TRMT44: variants seen among roughly 807,000 people sequenced by gnomAD.
The protein encoded by TRMT44 is probable tRNA (uracil-O(2)-)-methyltransferase.
Under a neutral mutation model 77.3 loss-of-function variants are expected in TRMT44, and 78 were observed. The ratio of observed to expected loss-of-function variants is 1.01; its 90% confidence interval spans 0.84 to 1.22. The LOEUF (loss-of-function observed/expected upper bound fraction) is 1.22, where lower values mean the gene tolerates loss of function less well. Among genes scored for constraint, TRMT44 ranks in the 50% most tolerant of loss-of-function variants. TRMT44 has a pLI of 0.00. For missense variants in TRMT44, 1,090 were observed against 964.4 expected, an observed-to-expected ratio of 1.13 and a Z score of -1.73; for synonymous variants, 391 against 383.3, an observed-to-expected ratio of 1.02 and a Z score of -0.23.
the TRMT44 span, among the ~76,000 whole-genome samples, chr4:8,502,334 A>C: frequency 6.6e-6 from 1 of 152,196 alleles, no homozygotes; most frequent in Non-Finnish European, 1.5e-5. Flanking sequence ...CTGATGAAGC[A>C]GGGGGTCAGG....
chr4:8,457,851 C>T (rs1579056797), intron 6 of TRMT44, among the ~76,000 whole-genome samples: 3 of 152,156 alleles, frequency 2.0e-5, no homozygotes, highest in East Asian at 3.9e-4. Context: ...ACAGGATTTA[C>T]AACAGAGCCA....
chr4:8,506,588 C>A, the TRMT44 span, among the ~76,000 whole-genome samples: 1 of 152,158 alleles, frequency 6.6e-6, no homozygotes, highest in Non-Finnish European at 1.5e-5. Context: ...CCCCTTCCCC[C>A]CTCAGCCTGG....
At chr4:8,449,159 A>G (rs189241284) in intron 2 of TRMT44, among the ~76,000 whole-genome samples, 1 of 152,344 alleles carries the variant, frequency 6.6e-6, no homozygotes, top group East Asian at 1.9e-4. Context: ...AGCAAGACAG[A>G]CAGAAGCCCC....
chr4:8,485,505 T>A (rs1232740812), intron 2 of TRMT44, among the ~76,000 whole-genome samples: 1 of 152,150 alleles, frequency 6.6e-6, no homozygotes. Context: ...TTTTAAAGCG[T>A]GCTGTGGGAT....
At chr4:8,441,802 G>A (rs1238318127) in intron 1 of TRMT44, among the ~76,000 whole-genome samples, 1 of 152,226 alleles carries the variant, frequency 6.6e-6, no homozygotes, top group Non-Finnish European at 1.5e-5. Flanking sequence ...AGACGAGACA[G>A]GTTAAGAGTG....
At chr4:8,503,391 A>G in the TRMT44 span, among the ~76,000 whole-genome samples, 2 of 152,210 alleles carry the variant, frequency 1.3e-5, no homozygotes, top group Middle Eastern at 6.3e-3. Flanking sequence ...CTAAAGCAAG[A>G]GAATCACCCA....
chr4:8,460,950 G>A (rs1726115756), intron 6 of TRMT44, among the ~76,000 whole-genome samples: 1 of 152,174 alleles, frequency 6.6e-6, no homozygotes, highest in South Asian at 2.1e-4. Flanking sequence ...TCTGGACTGA[G>A]TGATCTTCCC....
intron 2 of TRMT44, among the ~76,000 whole-genome samples, chr4:8,486,143 C>T (rs1388525552): frequency 2.0e-5 from 3 of 152,186 alleles, no homozygotes; most frequent in Non-Finnish European, 2.9e-5. Flanking sequence ...TTGAACAGTC[C>T]AGTTTCCAGT....
downstream of TRMT44, among the ~76,000 whole-genome samples, chr4:8,481,252 C>T (rs762699366): frequency 5.9e-5 from 9 of 152,316 alleles, no homozygotes; most frequent in Admixed American, 6.5e-5. Context: ...TCCCCTGCTC[C>T]GACCTTTGAG....
downstream of TRMT44, among the ~76,000 whole-genome samples, chr4:8,495,762 C>T (rs1219878390): frequency 2.6e-5 from 4 of 152,180 alleles, no homozygotes; most frequent in Admixed American, 1.3e-4. Context: ...AACCTGAGGC[C>T]GATTCCTGCT....
At chr4:8,455,168 C>T (rs536339577) in intron 6 of TRMT44, among the ~76,000 whole-genome samples, 44 of 152,314 alleles carry the variant, frequency 2.9e-4, no homozygotes, top group African/African-American at 9.1e-4. Flanking sequence ...AAAGGCTGCT[C>T]GTTCAGTCAG....
intron 1 of TRMT44, among the ~76,000 whole-genome samples, chr4:8,441,888 T>C (rs1267402773): frequency 2.0e-5 from 3 of 152,168 alleles, no homozygotes; most frequent in Non-Finnish European, 4.4e-5. Flanking sequence ...CTCCACACTA[T>C]TGAGTACAAT....
At chr4:8,508,637 G>A in the TRMT44 span, among the ~76,000 whole-genome samples, 2 of 152,386 alleles carry the variant, frequency 1.3e-5, no homozygotes, top group South Asian at 4.1e-4. Flanking sequence ...GTGGCCATGG[G>A]GTTGCGGCGC....
chr4:8,469,628 T>G (rs557277076), intron 9 of TRMT44, among the ~76,000 whole-genome samples: 36 of 152,228 alleles, frequency 2.4e-4, no homozygotes, highest in African/African-American at 8.4e-4. Context: ...CGGGGATGGG[T>G]GAGCGGTGGG....
intron 7 of TRMT44, among the ~76,000 whole-genome samples, chr4:8,464,713 T>C (rs1726407751): frequency 6.6e-6 from 1 of 152,240 alleles, no homozygotes. Context: ...CGTCTTAAAG[T>C]ACTTCAAGAA....
the TRMT44 span, among the ~76,000 whole-genome samples, chr4:8,513,349 C>G: frequency 6.6e-6 from 1 of 152,292 alleles, no homozygotes; most frequent in East Asian, 1.9e-4. Context: ...CTCATGAACT[C>G]GTTCACTATC....
rs761804350 is a variant in TRMT44, at chr4:8,440,882, C to T, written c.60C>T (p.Phe20=). The T allele has an allele frequency of 1.8e-4, 278 of 1,527,736 alleles. No individual in the cohort carries two copies. Among genetic ancestry groups the T allele is most frequent in the Non-Finnish European group, 2.4e-4 (272 of 1,144,466 alleles). 94.6% of individuals were successfully genotyped at this position (1,527,736 alleles called of 1,614,324 possible). ...SYPGALLPQG[F]WAAVEVWLER... ...CAGGCGCGCTTCTCCCACAGGGCTT[C>T]TGGGCTGCGGTCGAAGTGTGGCTGG... The change falls in exon 1 of 11, where the codon TTC becomes TTT. Residue 20 remains phenylalanine (F), a synonymous_variant. Coordinates refer to ENST00000389737, the MANE Select transcript of TRMT44 (RefSeq NM_152544.3).
downstream of TRMT44, among the ~76,000 whole-genome samples, chr4:8,497,952 G>A (rs1369966184): frequency 1.3e-5 from 2 of 152,144 alleles, no homozygotes; most frequent in African/African-American, 4.8e-5. Flanking sequence ...CCAGGGGCAG[G>A]GAGCAGGAGC....
chr4:8,468,409 C>A (rs778326948), intron 9 of TRMT44, 63 bp downstream of exon 9: 1 of 1,518,584 alleles, frequency 6.6e-7, no homozygotes, highest in South Asian at 1.1e-5. Context: ...CAGGAATTCA[C>A]GTCTTCAGAA....
Sources: allele counts gnomAD v4.1 joint callset (sites outside exome capture counted in the v4.1 genomes callset), GRCh38; gene constraint gnomAD v4.1.1; transcripts MANE v1.5; gene names NCBI Gene and HGNC (gene_info 2026-07-23, HGNC 2026-07-21).